KCNT2: variants seen among roughly 807,000 people sequenced by gnomAD.
KCNT2 encodes potassium sodium-activated channel subfamily T member 2, also known as potassium channel subfamily T member 2.
In KCNT2, 67 loss-of-function variants were observed where a neutral mutation model predicts 153.8. The observed-to-expected ratio is 0.44, with a 90% CI of 0.36 to 0.53. KCNT2 has a LOEUF of 0.53. KCNT2 is among the 20% of genes least tolerant of loss of function. The probability of loss-of-function intolerance (pLI) is 0.00; values close to 1 mark genes in which losing one functional copy is unlikely to be tolerated. For synonymous variants in KCNT2, 500 were observed against 458.8 expected, an observed-to-expected ratio of 1.09 and a Z score of -1.15; for missense variants, 975 against 1,354.8, an observed-to-expected ratio of 0.72 and a Z score of 4.40.
chr1:196,353,555 A>T (rs376053142), intron 14 of KCNT2, among the ~76,000 whole-genome samples: 1 of 152,004 alleles, frequency 6.6e-6, no homozygotes, highest in Non-Finnish European at 1.5e-5. Flanking sequence ...TTCCAAGGTA[A>T]AGATATTATC....
intron 14 of KCNT2, among the ~76,000 whole-genome samples, chr1:196,352,355 A>G (rs1666788529): frequency 1.3e-5 from 2 of 151,670 alleles, no homozygotes. Flanking sequence ...TTGGTTGGTA[A>G]GCTATTGATT....
intron 14 of KCNT2, among the ~76,000 whole-genome samples, chr1:196,363,562 T>C (rs898144693): frequency 5.3e-5 from 8 of 152,148 alleles, no homozygotes; most frequent in African/African-American, 1.4e-4. Flanking sequence ...TATTAGTTCA[T>C]AGGGCTCTGC....
intron 25 of KCNT2, among the ~76,000 whole-genome samples, chr1:196,270,828 GGTGTGT>G (rs10641279): frequency 1.4e-5 from 2 of 148,032 alleles, no homozygotes; most frequent in Non-Finnish European, 3.0e-5. Context: ...TCAACATGCA[GGTGTGT>G]GTGTGTGTGT....
At chr1:196,451,408 T>C (rs1052553555) in intron 8 of KCNT2, among the ~76,000 whole-genome samples, 62 of 2,740 alleles carry the variant, frequency 0.023, 2 homozygotes, top group Non-Finnish European at 0.059. Flanking sequence ...ACCCAACACA[T>C]TTTTTTTTTT....
chr1:196,493,845 T>A (rs1319233094), intron 1 of KCNT2, among the ~76,000 whole-genome samples: 1 of 152,050 alleles, frequency 6.6e-6, no homozygotes, highest in Non-Finnish European at 1.5e-5. Context: ...TTTTATTTCC[T>A]CGTTATCATA....
chr1:196,364,036 C>A (rs1439512350), intron 14 of KCNT2, among the ~76,000 whole-genome samples: 1 of 151,712 alleles, frequency 6.6e-6, no homozygotes, highest in African/African-American at 2.4e-5. Context: ...AGAGAAATAA[C>A]AACTAAAGGC....
At chr1:196,336,750 T>G (rs1336715152) in intron 16 of KCNT2, among the ~76,000 whole-genome samples, 1 of 152,186 alleles carries the variant, frequency 6.6e-6, no homozygotes, top group Admixed American at 6.6e-5. Context: ...AGTCCTTATG[T>G]TACGACCTAT....
chr1:196,453,511 C>G (rs1676398062), intron 8 of KCNT2, among the ~76,000 whole-genome samples: 1 of 151,950 alleles, frequency 6.6e-6, no homozygotes, highest in Admixed American at 6.6e-5. Flanking sequence ...CACCAGTTCC[C>G]CCTTCCAATA....
intron 13 of KCNT2, among the ~76,000 whole-genome samples, chr1:196,378,813 T>TTATATATATATATA (rs563888936): frequency 6.8e-6 from 1 of 147,284 alleles, no homozygotes. Flanking sequence ...GTATATATAA[T>TTATATATATATATA]TATATATATA....
intron 14 of KCNT2, among the ~76,000 whole-genome samples, chr1:196,348,025 C>T (rs759917229): frequency 5.9e-5 from 9 of 152,014 alleles, no homozygotes; most frequent in East Asian, 1.9e-4. Context: ...ACATCGGTTC[C>T]GACACAGAGG....
At chr1:196,371,220 CAAAAAAAAAAA>C (rs952744388) in intron 14 of KCNT2, among the ~76,000 whole-genome samples, 17 of 21,934 alleles carry the variant, frequency 7.8e-4, no homozygotes, top group Non-Finnish European at 1.2e-3. Flanking sequence ...CCCGTCACTA[CAAAAAAAAAAA>C]AAAAAAAAAA....
intron 5 of KCNT2, among the ~76,000 whole-genome samples, chr1:196,476,902 A>C (rs1235396700): frequency 6.6e-6 from 1 of 152,140 alleles, no homozygotes; most frequent in Non-Finnish European, 1.5e-5. Flanking sequence ...GTATTCCATT[A>C]TAACTGACCT....
intron 1 of KCNT2, among the ~76,000 whole-genome samples, chr1:196,553,332 A>T (rs1256872738): frequency 2.0e-5 from 3 of 151,272 alleles, no homozygotes; most frequent in Non-Finnish European, 3.0e-5. Flanking sequence ...TCAATTTAGC[A>T]AGAAGATATA....
At chr1:196,607,544 A>G (rs1251912574) in intron 1 of KCNT2, among the ~76,000 whole-genome samples, 2 of 152,214 alleles carry the variant, frequency 1.3e-5, no homozygotes, top group Non-Finnish European at 2.9e-5. Flanking sequence ...AAAATATACT[A>G]GTTATGAAAA....
At chr1:196,549,040 A>T (rs1657534749) in intron 1 of KCNT2, among the ~76,000 whole-genome samples, 1 of 151,880 alleles carries the variant, frequency 6.6e-6, no homozygotes, top group African/African-American at 2.4e-5. Context: ...GCATTGGGAG[A>T]TATACCTAAT....
chr1:196,273,323 CATTT>C, intron 25 of KCNT2: 2 of 565,532 alleles, frequency 3.5e-6, no homozygotes, highest in Non-Finnish European at 6.1e-6. Flanking sequence ...GAAAAGAAAA[CATTT>C]ATATGCATTT....
chr1:196,407,407 T>A (rs1272530601), intron 12 of KCNT2, among the ~76,000 whole-genome samples: 1 of 151,542 alleles, frequency 6.6e-6, no homozygotes, highest in Non-Finnish European at 1.5e-5. Flanking sequence ...ATTAGGGATT[T>A]CAAGGTATCT....
chr1:196,228,461 A>G (rs764189861), intron 27 of KCNT2, 126 bp from the exon 28 acceptor site: 23 of 579,346 alleles, frequency 4.0e-5, no homozygotes, highest in Non-Finnish European at 6.5e-5. Flanking sequence ...TCTGTATACA[A>G]CATTGGTGGT....
intron 1 of KCNT2, among the ~76,000 whole-genome samples, chr1:196,513,988 G>A (rs1472265114): frequency 6.6e-6 from 1 of 152,142 alleles, no homozygotes; most frequent in Non-Finnish European, 1.5e-5. Context: ...CAAATAGACT[G>A]AAATAGGAAG....
Sources: allele counts gnomAD v4.1 joint callset (sites outside exome capture counted in the v4.1 genomes callset), GRCh38; gene constraint gnomAD v4.1.1; transcripts MANE v1.5; gene names NCBI Gene and HGNC (gene_info 2026-07-23, HGNC 2026-07-21).